The following MDFI variants were observed in gnomAD, a reference collection of about 807,000 sequenced individuals.
MDFI encodes MyoD family inhibitor.
In MDFI, 16 loss-of-function variants were observed where a neutral mutation model predicts 22.3. The observed-to-expected ratio is 0.72, with a 90% CI of 0.49 to 1.09. The LOEUF (loss-of-function observed/expected upper bound fraction) is 1.09, where lower values mean the gene tolerates loss of function less well. Ranked by LOEUF, MDFI falls within the 50% of genes least tolerant of loss-of-function variation. The pLI is 0.00. For missense variants in MDFI, 314 were observed against 326.1 expected (o/e 0.96, Z 0.29); for synonymous variants, 145 against 142.7 (o/e 1.02, Z -0.12).
rs1473330475 is a variant in MDFI, at chr6:41,638,936, C to T, written c.76+111C>T. The T allele has an allele frequency of 8.2e-7, 1 of 1,223,668 alleles. No individual in the cohort carries two copies. The highest frequency in any genetic ancestry group is 1.5e-5 in the African/African-American group (1 of 64,712). 75.8% of individuals were successfully genotyped at this position (1,223,668 alleles called of 1,614,324 possible). ...GACGCGGGGAGACCGTTCCAGGGAG[C>T]TTGGTGGGGGTAGGGACGAAAAGTC... On this transcript the variant is annotated intron_variant, in intron 2 of 4. Transcript: ENST00000230321. This position sits in a 1 kb window ranked among gnomAD's most constrained non-coding sequence, Gnocchi z 7.6.
Position 41,639,948 on chromosome 6 carries a change from G to A in MDFI, c.76+1123G>A, listed in dbSNP as rs543377011. 284 of 984,004 alleles carry A rather than the reference G, an allele frequency of 2.9e-4. 6 individuals carry two copies. In the South Asian group the frequency reaches 0.011, roughly 37 times the overall value. 61.0% of individuals were successfully genotyped at this position (984,004 alleles called of 1,614,324 possible). Reference sequence around the variant, plus strand: ...ATGGACGCCTAGTTGTGGAGGTGGGGGGTCCTCTAAACCAGAGTGAGGACA... The same window carrying A: ...ATGGACGCCTAGTTGTGGAGGTGGGAGGTCCTCTAAACCAGAGTGAGGACA... On this transcript the variant is annotated intron_variant, in intron 2 of 4. Coordinates refer to ENST00000230321, the MANE Select transcript of MDFI (RefSeq NM_005586.4).
In MDFI at chr6:41,653,634, G is replaced by A. The variant is rs1768370656; in HGVS notation, c.*59G>A. 2.5e-6 allele frequency: 4 copies of A among 1,587,236 alleles called. No homozygotes were observed. Among genetic ancestry groups the A allele is most frequent in the Middle Eastern group, 3.5e-4 (2 of 5,634 alleles). On this transcript the variant is annotated 3_prime_UTR_variant, in exon 5 of 5. Transcript: ENST00000230321. This position sits in a 1 kb window ranked among gnomAD's most constrained non-coding sequence, Gnocchi z 4.2. ...CTGCAGATTCCAGCAGGGTCCCTCT[G>A]AGTGGGGCCAGGCCCAGGACTGTCA...
At chr6:41,643,580 G>GGAA (rs1561829712) in intron 2 of MDFI, among the ~76,000 whole-genome samples, 38 of 42,982 alleles carry the variant, frequency 8.8e-4, no homozygotes, top group South Asian at 1.4e-3. Flanking sequence ...GAAGGAAGGA[G>GGAA]GGAGGGAGGG....
intron 4 of MDFI, among the ~76,000 whole-genome samples, chr6:41,650,954 A>G (rs1320681314): frequency 6.6e-6 from 1 of 152,020 alleles, no homozygotes; most frequent in Non-Finnish European, 1.5e-5. Flanking sequence ...CTGTAATCCC[A>G]GCCCTTTGGG....
chr6:41,644,862 T>C (rs577451812), intron 2 of MDFI, among the ~76,000 whole-genome samples: 62 of 151,998 alleles, frequency 4.1e-4, no homozygotes, highest in Non-Finnish European at 3.7e-4. Flanking sequence ...CTCTGTGGGG[T>C]GTGTACTCTT....
At chr6:41,639,546 C>A (rs1375130065) in intron 2 of MDFI, 2 of 985,330 alleles carry the variant, frequency 2.0e-6, no homozygotes, top group African/African-American at 3.5e-5. Flanking sequence ...CTCGCCGGCC[C>A]TGGTTCTCAG....
At position 41,649,818 on chromosome 6, in the gene MDFI, C is replaced by G; in HGVS notation, c.459C>G (p.Ser153=). The G allele has an allele frequency of 6.2e-7, 1 of 1,613,924 alleles. No individual in the cohort carries two copies. ...AGAGCAGCAGCAAATCCACCACCTC[C>G]CAGATCCCCCTCCAGGCACAGGAAG... ...KSKSSSKSTT[S]QIPLQAQEDC... Residue 153 remains serine (S), a synonymous_variant, in exon 4 of 5, where the codon TCC becomes TCG. Coordinates refer to ENST00000230321, the MANE Select transcript of MDFI (RefSeq NM_005586.4).
chr6:41,638,483 A>C lies in MDFI; in HGVS notation c.-181A>C. ...GAGAGAAGGAAGAAGGAAGGGGCGA[A>C]CGGCGTGAGCTGGCGCCGAAATGGG... On this transcript the variant is annotated 5_prime_UTR_variant, in exon 1 of 5. Coordinates refer to ENST00000230321, the MANE Select transcript of MDFI (RefSeq NM_005586.4). The surrounding 1 kb of genome is among the most constrained non-coding windows in gnomAD (Gnocchi z 7.6). 2.0e-6 allele frequency: 1 copy of C among 500,918 alleles called. No homozygotes were observed. The highest frequency in any genetic ancestry group is 3.5e-6 in the Non-Finnish European group (1 of 284,846). 31.0% of individuals were successfully genotyped at this position (500,918 alleles called of 1,614,324 possible).
chr6:41,643,324 G>A (rs567220058), intron 2 of MDFI, among the ~76,000 whole-genome samples: 18 of 152,204 alleles, frequency 1.2e-4, no homozygotes, highest in South Asian at 6.2e-4. Flanking sequence ...CTAGGTGCCC[G>A]TCTTCTGTGC....
At chr6:41,643,775 C>T (rs1767948694) in intron 2 of MDFI, among the ~76,000 whole-genome samples, 1 of 152,108 alleles carries the variant, frequency 6.6e-6, no homozygotes, top group African/African-American at 2.4e-5. Context: ...TTCTTTCCTC[C>T]TTGAAACCCT....
intron 3 of MDFI, among the ~76,000 whole-genome samples, chr6:41,646,930 A>T (rs1768074257): frequency 6.6e-6 from 1 of 152,234 alleles, no homozygotes; most frequent in South Asian, 2.1e-4. Flanking sequence ...ATGAGGCAGC[A>T]GGATGGCTAC....
intron 4 of MDFI, 141 bp downstream of exon 4, chr6:41,649,984 A>T: frequency 1.4e-6 from 1 of 731,668 alleles, no homozygotes; most frequent in Non-Finnish European, 2.2e-6. Context: ...CGCCTACTGG[A>T]TTGGAATCTC....
upstream of MDFI, among the ~76,000 whole-genome samples, chr6:41,637,724 C>T (rs922708169): frequency 6.6e-6 from 1 of 152,192 alleles, no homozygotes; most frequent in African/African-American, 2.4e-5. The surrounding 1 kb of genome is among the most constrained non-coding windows in gnomAD (Gnocchi z 6.8). Flanking sequence ...CCTCCCTCCC[C>T]TTTCTCCCCG....
intron 2 of MDFI, among the ~76,000 whole-genome samples, chr6:41,643,531 AGGGAAGGAGGGAAGGAGGG>A (rs1767926398): frequency 1.6e-5 from 1 of 64,312 alleles, no homozygotes; most frequent in Admixed American, 1.4e-4. Flanking sequence ...CACAGGAAGG[AGGGAAGGAGGGAAGGAGGG>A]AAGGAAGGAA....
intron 2 of MDFI, chr6:41,639,352 C>T: frequency 3.0e-6 from 3 of 985,354 alleles, no homozygotes; most frequent in Non-Finnish European, 3.6e-6. Flanking sequence ...CCTTCCCTCT[C>T]GTGCCGGCCA....
At position 41,653,105 on chromosome 6, in the gene MDFI, A is replaced by C. The variant is rs1364904846; in HGVS notation, c.485-214A>C. On this transcript the variant is annotated intron_variant, in intron 4 of 4. Coordinates refer to ENST00000230321, the MANE Select transcript of MDFI (RefSeq NM_005586.4). The surrounding 1 kb of genome is among the most constrained non-coding windows in gnomAD (Gnocchi z 4.2). ...GGGTGGCTAAGAGCAAGGATGATCCAGACTGCCCGCTCCGATGTGCTTAAC... is the reference window on the plus strand; with the variant it reads ...GGGTGGCTAAGAGCAAGGATGATCCCGACTGCCCGCTCCGATGTGCTTAAC... Among the ~76,000 whole-genome samples, 1 of 152,224 alleles carries C rather than the reference A, an allele frequency of 6.6e-6. No individual in the cohort carries two copies. Among genetic ancestry groups the C allele is most frequent in the Non-Finnish European group, 1.5e-5 (1 of 68,036 alleles).
intron 4 of MDFI, among the ~76,000 whole-genome samples, chr6:41,650,308 A>T (rs543671469): frequency 6.6e-6 from 1 of 152,204 alleles, no homozygotes; most frequent in Non-Finnish European, 1.5e-5. Context: ...GAGGATCCAG[A>T]CACCCAACCA....
chr6:41,643,548 G>GGAAGGAAGGAA (rs1767929437), intron 2 of MDFI, among the ~76,000 whole-genome samples: 3 of 75,396 alleles, frequency 4.0e-5, no homozygotes, highest in South Asian at 5.0e-4. Context: ...GAGGGAAGGA[G>GGAAGGAAGGAA]GGAAGGAAGG....
chr6:41,645,573 C>A (rs1207997388), intron 2 of MDFI, among the ~76,000 whole-genome samples: 1 of 152,102 alleles, frequency 6.6e-6, no homozygotes. Context: ...CCTTCTCTGT[C>A]GCCTCTGCCC....
Sources: allele counts gnomAD v4.1 joint callset (sites outside exome capture counted in the v4.1 genomes callset), GRCh38; gene constraint gnomAD v4.1.1; non-coding constraint Gnocchi (gnomAD v3.1); transcripts MANE v1.5; gene names NCBI Gene and HGNC (gene_info 2026-07-23, HGNC 2026-07-21).